The following CLIP2 variants were observed in gnomAD, a reference collection of about 807,000 sequenced individuals.
CLIP2 encodes the protein CAP-Gly domain-containing linker protein 2.
In CLIP2, 41 loss-of-function variants were observed where a neutral mutation model predicts 111.7. The observed-to-expected ratio is 0.37, with a 90% confidence interval of 0.29 to 0.48. The LOEUF is 0.48. Among genes scored for constraint, CLIP2 ranks in the 20% least tolerant of loss-of-function variants. The pLI is 0.99. For synonymous variants in CLIP2, 660 were observed against 644.2 expected (o/e 1.02, Z -0.37); for missense variants, 1,160 against 1,422.1 (o/e 0.82, Z 2.96).
chr7:74,344,957 G>C (rs1472102975), intron 3 of CLIP2, among the ~76,000 whole-genome samples: 1 of 152,174 alleles, frequency 6.6e-6, no homozygotes, highest in Non-Finnish European at 1.5e-5. Flanking sequence ...CTGGAATCAA[G>C]CCCAGCTGGG....
At chr7:74,372,413 G>A (rs1428221515) in intron 8 of CLIP2, among the ~76,000 whole-genome samples, 1 of 144,468 alleles carries the variant, frequency 6.9e-6, no homozygotes, top group African/African-American at 2.5e-5. Flanking sequence ...GGGGGGGGGG[G>A]GGAGTCGAGC....
Position 74,376,835 on chromosome 7 carries a change from C to T in CLIP2, c.2421+13C>T. The stretch of plus-strand genomic sequence containing the variant: ...CCAGCACACCCACGTAGGCGCCTGC[C>T]CCTCCTGCTGGGGCGGGAGGGTCGG... On this transcript the variant is annotated intron_variant, in intron 10 of 16. Transcript: ENST00000223398. This position sits in a 1 kb window ranked among gnomAD's most constrained non-coding sequence, Gnocchi z 7.1. 6.4e-7 allele frequency: 1 copy of T among 1,557,728 alleles called. No homozygotes were observed.
Position 74,365,517 on chromosome 7 carries a change from T to G in CLIP2, c.1380+1202T>G, listed in dbSNP as rs1455215390. 2.0e-5 allele frequency among the ~76,000 whole-genome samples: 3 copies of G among 152,158 alleles called. No homozygotes were observed. In the East Asian group the frequency reaches 5.8e-4, roughly 29 times the overall value. On this transcript the variant is annotated intron_variant, in intron 8 of 16. Coordinates refer to ENST00000223398, the MANE Select transcript of CLIP2 (RefSeq NM_003388.5). ...CCTACCAGCTGTCATTGAGAGAGGCTCTGATTGGTCCCAGGGATAGCCAAT... is the reference window on the plus strand; with the variant it reads ...CCTACCAGCTGTCATTGAGAGAGGCGCTGATTGGTCCCAGGGATAGCCAAT...
intron 2 of CLIP2, among the ~76,000 whole-genome samples, chr7:74,336,860 GTTTTTT>G (rs376463523): frequency 1.4e-5 from 2 of 140,594 alleles, no homozygotes; most frequent in Non-Finnish European, 1.5e-5. Context: ...TGTTTTTTTT[GTTTTTT>G]TTTTTTTTGT....
intron 1 of CLIP2, among the ~76,000 whole-genome samples, chr7:74,294,212 G>A (rs1554725768): frequency 2.0e-5 from 3 of 152,342 alleles, no homozygotes; most frequent in East Asian, 1.9e-4. Flanking sequence ...TATTACAGGC[G>A]TGAGCCACTG....
chr7:74,363,895 CAAAAA>C (rs11438621), intron 7 of CLIP2, among the ~76,000 whole-genome samples: 1 of 96,716 alleles, frequency 1.0e-5, no homozygotes. Flanking sequence ...GACTCTGTCT[CAAAAA>C]AAAAAAAAAA....
At chr7:74,305,425 G>A (rs1788449714) in intron 1 of CLIP2, among the ~76,000 whole-genome samples, 1 of 152,098 alleles carries the variant, frequency 6.6e-6, no homozygotes. Flanking sequence ...GTTCTCTGCT[G>A]CAGCCCCTAC....
intron 1 of CLIP2, among the ~76,000 whole-genome samples, chr7:74,300,647 G>A (rs528016301): frequency 3.3e-5 from 5 of 151,684 alleles, no homozygotes; most frequent in East Asian, 2.0e-4. Context: ...TAGTAGAGAC[G>A]GGTTTTCACC....
In CLIP2 at chr7:74,338,261, G is replaced by C. The variant is rs574074969; in HGVS notation, c.122-187G>C. On this transcript the variant is annotated intron_variant, in intron 2 of 16. Transcript: ENST00000223398. The surrounding 1 kb of genome is among the most constrained non-coding windows in gnomAD (Gnocchi z 4.3). ...TCACGCCTGTAATCCCAGCAATTTGGGAAGCCAAGGCGGGCGGATTTCTTG... is the reference window on the plus strand; with the variant it reads ...TCACGCCTGTAATCCCAGCAATTTGCGAAGCCAAGGCGGGCGGATTTCTTG... Among the ~76,000 whole-genome samples, 3 of 152,072 alleles carry C rather than the reference G, an allele frequency of 2.0e-5. No homozygotes were observed. The highest frequency in any genetic ancestry group is 7.2e-5 in the African/African-American group (3 of 41,404).
At chr7:74,291,195 G>A (rs1477107902) in intron 1 of CLIP2, among the ~76,000 whole-genome samples, 1 of 152,146 alleles carries the variant, frequency 6.6e-6, no homozygotes, top group Non-Finnish European at 1.5e-5. Context: ...AGGCGGTGGA[G>A]ATGGAGAGGG....
chr7:74,394,056 T>C (rs1382749986), intron 13 of CLIP2, among the ~76,000 whole-genome samples: 1 of 152,094 alleles, frequency 6.6e-6, no homozygotes, highest in East Asian at 1.9e-4. Context: ...TCGATAGAAC[T>C]TCCTGGAGTT....
intron 13 of CLIP2, among the ~76,000 whole-genome samples, chr7:74,391,485 G>A (rs573841935): frequency 6.6e-6 from 1 of 152,180 alleles, no homozygotes; most frequent in South Asian, 2.1e-4. Context: ...TGGTTTGTGT[G>A]GTCCCTCTGA....
intron 14 of CLIP2, among the ~76,000 whole-genome samples, chr7:74,397,729 C>T (rs1308493297): frequency 1.4e-5 from 2 of 143,574 alleles, no homozygotes; most frequent in Non-Finnish European, 3.0e-5. Flanking sequence ...TGCAGTGGCG[C>T]GATCTCAGCT....
intron 1 of CLIP2, among the ~76,000 whole-genome samples, chr7:74,305,068 G>A (rs1441410577): frequency 1.4e-5 from 2 of 141,984 alleles, no homozygotes; most frequent in Non-Finnish European, 3.0e-5. Flanking sequence ...TTCATCCTGT[G>A]GGTGGCTCCA....
In CLIP2 at chr7:74,380,876, C is replaced by T; in HGVS notation, c.2479+13C>T. 6.2e-7 allele frequency: 1 copy of T among 1,613,278 alleles called. No individual in the cohort carries two copies. On this transcript the variant is annotated intron_variant, in intron 11 of 16. Coordinates refer to ENST00000223398, the MANE Select transcript of CLIP2 (RefSeq NM_003388.5). ...GAAACTGTGGAGGGTGAGTGGCCAC[C>T]AGGCCGGGCGGGACTCTGGGCTCTG...
At chr7:74,321,286 C>T (rs1168968423) in intron 2 of CLIP2, among the ~76,000 whole-genome samples, 1 of 152,054 alleles carries the variant, frequency 6.6e-6, no homozygotes, top group African/African-American at 2.4e-5. Context: ...TAACCTTCTC[C>T]CTTCCCCCTT....
At chr7:74,378,885 C>G (rs1489132101) in intron 10 of CLIP2, among the ~76,000 whole-genome samples, 1 of 152,144 alleles carries the variant, frequency 6.6e-6, no homozygotes, top group East Asian at 1.9e-4. Flanking sequence ...CCTTCCTGCC[C>G]CTTCTCCCAG....
intron 9 of CLIP2, 86 bp from the exon 10 acceptor site, chr7:74,375,801 C>A: frequency 8.4e-7 from 1 of 1,186,318 alleles, no homozygotes; most frequent in South Asian, 1.6e-5. Flanking sequence ...AATGGACGCC[C>A]CCTACCCGGC....
intron 8 of CLIP2, among the ~76,000 whole-genome samples, chr7:74,370,748 A>C (rs1403729547): frequency 1.3e-5 from 2 of 151,908 alleles, no homozygotes; most frequent in African/African-American, 4.8e-5. Context: ...GGCCTGAAAC[A>C]CTTGCGCCTC....
Sources: allele counts gnomAD v4.1 joint callset (sites outside exome capture counted in the v4.1 genomes callset), GRCh38; gene constraint gnomAD v4.1.1; non-coding constraint Gnocchi (gnomAD v3.1); transcripts MANE v1.5; gene names NCBI Gene and HGNC (gene_info 2026-07-23, HGNC 2026-07-21).